The following RGL1 variants were observed in gnomAD, a reference collection of about 807,000 sequenced individuals.
The protein encoded by RGL1 is ral guanine nucleotide dissociation stimulator-like 1.
A neutral mutation model predicts 95.2 loss-of-function variants in RGL1; 24 were observed. That is an observed-to-expected ratio of 0.25 (90% CI 0.18 to 0.35). The LOEUF is 0.35. Ranked by LOEUF, RGL1 falls within the 10% of genes least tolerant of loss-of-function variation. RGL1 has a pLI of 1.00. For missense variants in RGL1, 715 were observed against 936.3 expected (o/e 0.76, Z 3.08); for synonymous variants, 329 against 344.9 (o/e 0.95, Z 0.51).
exon 2 of RGL1, chr1:183,742,272 G>C: frequency 6.2e-7 from 1 of 1,614,036 alleles, no homozygotes; most frequent in Non-Finnish European, 8.5e-7. Flanking sequence ...AATATGGGAA[G>C]TTTTAAAGAC....
intron 1 of RGL1, among the ~76,000 whole-genome samples, chr1:183,662,541 A>G (rs1651717705): frequency 6.6e-6 from 1 of 152,178 alleles, no homozygotes; most frequent in African/African-American, 2.4e-5. Context: ...ACTACAAACC[A>G]CTGCTCACTG....
chr1:183,710,000 C>A, intron 1 of RGL1: 1 of 157,632 alleles, frequency 6.3e-6, no homozygotes, highest in Middle Eastern at 8.7e-4. Context: ...AAAGCCAGGC[C>A]AGACATGCTT....
At chr1:183,773,624 C>T (rs1659421969) in intron 2 of RGL1, among the ~76,000 whole-genome samples, 1 of 152,196 alleles carries the variant, frequency 6.6e-6, no homozygotes, top group Non-Finnish European at 1.5e-5. Flanking sequence ...GAATCAGCAA[C>T]ATATGTGTGT....
intron 3 of RGL1, among the ~76,000 whole-genome samples, chr1:183,852,927 A>G (rs1414943021): frequency 2.0e-5 from 3 of 152,232 alleles, no homozygotes; most frequent in African/African-American, 7.2e-5. Context: ...AGTGAGAGCC[A>G]TGAAATGTTG....
chr1:183,749,105 G>T (rs1035170270), intron 2 of RGL1, among the ~76,000 whole-genome samples: 20 of 152,138 alleles, frequency 1.3e-4, no homozygotes, highest in South Asian at 1.2e-3. Context: ...TGTTTATTTG[G>T]GGTGGAGAGT....
At chr1:183,800,469 A>C (rs1010166058), upstream of RGL1, among the ~76,000 whole-genome samples, 1 of 152,042 alleles carries the variant, frequency 6.6e-6, no homozygotes, top group African/African-American at 2.4e-5. Flanking sequence ...TGTTACTGTC[A>C]GTGTACACCA....
chr1:183,809,640 A>G (rs1430615194), intron 2 of RGL1, among the ~76,000 whole-genome samples: 1 of 152,222 alleles, frequency 6.6e-6, no homozygotes, highest in East Asian at 1.9e-4. Context: ...TAGGATTGGA[A>G]GAGACATTAA....
intron 1 of RGL1, chr1:183,709,742 T>C (rs1655149173): frequency 4.6e-6 from 1 of 215,198 alleles, no homozygotes; most frequent in South Asian, 8.5e-5. Context: ...CTGGTGCTTA[T>C]TAAGGAGTTT....
intron 17 of RGL1, among the ~76,000 whole-genome samples, chr1:183,924,348 C>A (rs1292064828): frequency 6.6e-6 from 1 of 152,136 alleles, no homozygotes; most frequent in Non-Finnish European, 1.5e-5. Flanking sequence ...CCATCATTCT[C>A]AGCAAACTAA....
intron 15 of RGL1, among the ~76,000 whole-genome samples, chr1:183,913,182 CTTTTTTTTTT>C (rs537751695): frequency 5.9e-5 from 4 of 68,274 alleles, no homozygotes; most frequent in East Asian, 5.0e-4. Flanking sequence ...GACCAGTCTT[CTTTTTTTTTT>C]TTTTTTTTTT....
At chr1:183,808,977 T>G (rs913970558) in intron 2 of RGL1, among the ~76,000 whole-genome samples, 1 of 152,232 alleles carries the variant, frequency 6.6e-6, no homozygotes, top group African/African-American at 2.4e-5. Context: ...TTTTCCCTAA[T>G]GTTGCAAGAC....
chr1:183,656,698 C>G (rs1333472826), intron 1 of RGL1, among the ~76,000 whole-genome samples: 1 of 152,184 alleles, frequency 6.6e-6, no homozygotes, highest in African/African-American at 2.4e-5. Context: ...GTTCCTTGCT[C>G]AGTTAAACTC....
At chr1:183,697,533 T>C (rs1654325486) in intron 1 of RGL1, among the ~76,000 whole-genome samples, 1 of 152,194 alleles carries the variant, frequency 6.6e-6, no homozygotes, top group Admixed American at 6.5e-5. Flanking sequence ...AATTTGAAAT[T>C]TGAAATGTGA....
intron 17 of RGL1, 40 bp downstream of exon 17, chr1:183,922,376 C>T (rs773560306): frequency 6.7e-7 from 1 of 1,482,422 alleles, no homozygotes; most frequent in Non-Finnish European, 9.4e-7. Flanking sequence ...CTTCCCAGGG[C>T]AGGTGGCTAG....
chr1:183,642,769 T>G (rs1281078200), intron 1 of RGL1, among the ~76,000 whole-genome samples: 1 of 152,220 alleles, frequency 6.6e-6, no homozygotes, highest in Non-Finnish European at 1.5e-5. Flanking sequence ...TGTCAACTAG[T>G]AATTCAATTT....
intron 2 of RGL1, among the ~76,000 whole-genome samples, chr1:183,840,832 C>T (rs1225624022): frequency 1.3e-5 from 2 of 152,256 alleles, no homozygotes; most frequent in South Asian, 2.1e-4. Context: ...GTTGAGGCTG[C>T]ATTGAACCCT....
At chr1:183,922,541 A>G (rs745980299) in intron 17 of RGL1, among the ~76,000 whole-genome samples, 3 of 152,226 alleles carry the variant, frequency 2.0e-5, no homozygotes, top group Non-Finnish European at 2.9e-5. Flanking sequence ...CCGATTCCCC[A>G]GCTCTTGTTT....
At chr1:183,895,883 C>T (rs879929182) in intron 9 of RGL1, among the ~76,000 whole-genome samples, 1 of 152,162 alleles carries the variant, frequency 6.6e-6, no homozygotes, top group Non-Finnish European at 1.5e-5. Context: ...TCTTGTAGCT[C>T]CCCATCTCAG....
chr1:183,659,293 A>C (rs1407777765), intron 1 of RGL1, among the ~76,000 whole-genome samples: 1 of 152,198 alleles, frequency 6.6e-6, no homozygotes, highest in Non-Finnish European at 1.5e-5. Flanking sequence ...AAAGGCAAAG[A>C]AGTTGAAAAC....
Sources: gnomAD v4.1 joint callset for allele counts (sites outside exome capture counted in the v4.1 genomes callset) on GRCh38, gnomAD v4.1.1 for gene constraint, MANE v1.5 for transcripts, NCBI Gene and HGNC (gene_info 2026-07-23, HGNC 2026-07-21) for gene names.